Variants in DNAH9 observed in about 807,000 individuals in gnomAD.
DNAH9 encodes dynein axonemal heavy chain 9.
Under a neutral mutation model 471.6 loss-of-function variants are expected in DNAH9, and 345 were observed. That is an observed-to-expected ratio of 0.73 (90% CI 0.67 to 0.80). The LOEUF is 0.80. Among genes scored for constraint, DNAH9 ranks in the 30% least tolerant of loss-of-function variants. The pLI is 0.00. For synonymous variants in DNAH9, 2,093 were observed against 2,123.6 expected (o/e 0.99, Z 0.40); for missense variants, 5,407 against 5,609.2 (o/e 0.96, Z 1.15).
At chr17:11,678,093 T>C (rs1198832031) in intron 17 of DNAH9, among the ~76,000 whole-genome samples, 3 of 152,196 alleles carry the variant, frequency 2.0e-5, no homozygotes. Flanking sequence ...TCTCGCTCTG[T>C]CGCCCAGGCT....
intron 50 of DNAH9, among the ~76,000 whole-genome samples, chr17:11,856,680 T>A (rs1971637633): frequency 6.6e-6 from 1 of 151,688 alleles, no homozygotes; most frequent in Non-Finnish European, 1.5e-5. Context: ...CACTCCAGCC[T>A]GGGCAACACA....
intron 59 of DNAH9, among the ~76,000 whole-genome samples, chr17:11,894,801 A>C (rs1052440030): frequency 6.6e-6 from 1 of 152,164 alleles, no homozygotes; most frequent in Non-Finnish European, 1.5e-5. Context: ...AGGCTGGGAC[A>C]TGGCCTCCTC....
Position 11,902,865 on chromosome 17 carries a change from C to T in DNAH9, c.11553C>T (p.Leu3851=). The change falls in exon 60 of 69, where the codon CTC becomes CTT. Residue 3851 remains leucine (L), a synonymous_variant. Transcript: ENST00000262442. ...AGAACAAGACAGCCCTGCAGCGCCT[C>T]TGCATGCTGAGAGCCATGCGGCCCG... The part of the protein sequence containing the change: ...EWKNKTALQR[L]CMLRAMRPDR... 6.2e-7 allele frequency: 1 copy of T among 1,613,956 alleles called. No individual in the cohort carries two copies. The highest frequency in any genetic ancestry group is 8.5e-7 in the Non-Finnish European group (1 of 1,179,866).
rs150984849 is a variant in DNAH9 at position 11,681,861 on chromosome 17, A to G, written c.3743+972A>G. 4.6e-5 allele frequency among the ~76,000 whole-genome samples: 7 copies of G among 152,352 alleles called. No individual in the cohort carries two copies. The East Asian group carries it at 9.6e-4, about 21-fold the overall frequency. ...GCTAGATTCAGGTGGCCTGGGGTCT[A>G]ATTTCAGGTCTTCTACTTACTTCTT... On this transcript the variant is annotated intron_variant, in intron 19 of 68. Transcript: ENST00000262442.
In DNAH9 at chr17:11,969,474, G is replaced by A. The variant is rs866228000; in HGVS notation, c.13408G>A (p.Glu4470Lys). Residue 4470 changes from glutamate to lysine, a missense_variant, in exon 69 of 69, where the codon GAA becomes AAA. Around this residue, in one of 3 missense-constraint regions of DNAH9, gnomAD observed 4,636 missense variants for 4,900.3 expected, o/e 0.95. Transcript: ENST00000262442. ...GTGGACTTTCAACCTGAAGACTAAGGAAAACCCATCCAAGTGGGTTCTGGC... is the reference window on the plus strand; with the variant it reads ...GTGGACTTTCAACCTGAAGACTAAGAAAAACCCATCCAAGTGGGTTCTGGC... Reference protein sequence around the residue: ...YVWTFNLKTKENPSKWVLAGV... With the variant: ...YVWTFNLKTKKNPSKWVLAGV... The A allele has an allele frequency of 6.2e-7, 1 of 1,613,808 alleles. No individual in the cohort carries two copies. The highest frequency in any genetic ancestry group is 1.3e-5 in the African/African-American group (1 of 74,940).
chr17:11,712,654 C>A (rs1048288941), intron 26 of DNAH9, among the ~76,000 whole-genome samples: 2 of 151,938 alleles, frequency 1.3e-5, no homozygotes, highest in Admixed American at 1.3e-4. Context: ...GACTTTAATT[C>A]GCATTTTTCT....
chr17:11,834,806 G>A lies in DNAH9; in HGVS notation c.9415G>A (p.Val3139Met). The change falls in exon 49 of 69, where the codon GTG (valine) becomes ATG (methionine). Residue 3139 changes from valine to methionine, a missense_variant. Physicochemically the swap from Val to Met is conservative, Grantham distance 21. Transcript: ENST00000262442. Reference protein sequence around the residue: ...EQKVAVIMLEVKQKQKDCEED... With the variant: ...EQKVAVIMLEMKQKQKDCEED... Reference sequence around the variant, plus strand: ...GAAGGTGGCCGTCATCATGCTAGAGGTGAAACAGAAGCAGAAGGACTGTGA... The same window carrying A: ...GAAGGTGGCCGTCATCATGCTAGAGATGAAACAGAAGCAGAAGGACTGTGA... 6.2e-7 allele frequency: 1 copy of A among 1,614,126 alleles called. No homozygotes were observed. The highest frequency in any genetic ancestry group is 8.5e-7 in the Non-Finnish European group (1 of 1,180,032).
At chr17:11,927,930 G>A (rs1175030711) in intron 62 of DNAH9, among the ~76,000 whole-genome samples, 2 of 152,136 alleles carry the variant, frequency 1.3e-5, no homozygotes, top group Non-Finnish European at 2.9e-5. Context: ...CCCACATGTA[G>A]GTTGCTGGTG....
chr17:11,900,941 T>C (rs1425174819), intron 59 of DNAH9, among the ~76,000 whole-genome samples: 5 of 152,146 alleles, frequency 3.3e-5, no homozygotes, highest in Non-Finnish European at 5.9e-5. Flanking sequence ...ACAGACCTCC[T>C]ACACACACAC....
Position 11,846,010 on chromosome 17 carries a change from C to G in DNAH9, c.9508-7993C>G, listed in dbSNP as rs1481548645. Among the ~76,000 whole-genome samples the G allele has an allele frequency of 2.9e-4, 44 of 152,084 alleles. 2 individuals are homozygous for G. In the East Asian group the frequency reaches 6.6e-3, roughly 23 times the overall value. On this transcript the variant is annotated intron_variant, in intron 49 of 68. Transcript: ENST00000262442. ...GTGCAGAAGCTCTTTAGTTTAATTA[C>G]ATCCCATTTGTCAGTTTTGGCTTTT... is the stretch of plus-strand genomic sequence containing the variant.
chr17:11,679,723 G>A (rs765262712), intron 17 of DNAH9, 34 bp from the exon 18 acceptor site: 1 of 1,455,714 alleles, frequency 6.9e-7, no homozygotes, highest in African/African-American at 1.4e-5. Flanking sequence ...AGTAGAACGA[G>A]AATGGTTCCT....
intron 61 of DNAH9, among the ~76,000 whole-genome samples, chr17:11,906,783 C>G (rs934819764): frequency 6.6e-6 from 1 of 151,970 alleles, no homozygotes; most frequent in African/African-American, 2.4e-5. Context: ...AACCAAACAC[C>G]GAACGTTCTC....
At chr17:11,895,080 C>T (rs943599991) in intron 59 of DNAH9, among the ~76,000 whole-genome samples, 10 of 152,214 alleles carry the variant, frequency 6.6e-5, no homozygotes, top group African/African-American at 2.2e-4. Context: ...TTACCAGAAG[C>T]CCAGAACACA....
intron 60 of DNAH9, among the ~76,000 whole-genome samples, chr17:11,905,437 G>T (rs989084958): frequency 6.6e-6 from 1 of 152,102 alleles, no homozygotes; most frequent in Non-Finnish European, 1.5e-5. Flanking sequence ...CCTGGATGGG[G>T]CTTCAGAGGA....
chr17:11,688,500 A>C lies in DNAH9; in HGVS notation c.3744-1066A>C, dbSNP rs376774304. Among the ~76,000 whole-genome samples, 10 of 152,366 alleles carry C rather than the reference A, an allele frequency of 6.6e-5. No homozygotes were observed. The East Asian group carries it at 1.5e-3, about 24-fold the overall frequency. ...ATCAAGGGCTTTGCAGCCAGTCTTC[A>C]TGGCCACTCACAGTGGTTCACCAGC... On this transcript the variant is annotated intron_variant, in intron 19 of 68. Coordinates refer to ENST00000262442, the MANE Select transcript of DNAH9 (RefSeq NM_001372.4).
chr17:11,812,210 A>G (rs1259887774), intron 45 of DNAH9, among the ~76,000 whole-genome samples: 5 of 150,980 alleles, frequency 3.3e-5, no homozygotes, highest in African/African-American at 4.8e-5. Flanking sequence ...CTTCATCTCA[A>G]TTGAGAAAAC....
intron 29 of DNAH9, among the ~76,000 whole-genome samples, chr17:11,741,734 A>G (rs1402571855): frequency 6.6e-6 from 1 of 152,228 alleles, no homozygotes; most frequent in Non-Finnish European, 1.5e-5. Flanking sequence ...CATTTTGAGG[A>G]TGAAGAATAG....
intron 61 of DNAH9, among the ~76,000 whole-genome samples, chr17:11,907,805 C>G (rs576062844): frequency 1.3e-5 from 2 of 152,266 alleles, no homozygotes; most frequent in African/African-American, 4.8e-5. Flanking sequence ...GCCCCCAGCA[C>G]CAGCCCTCCA....
At chr17:11,809,963 A>G (rs1344583725) in intron 44 of DNAH9, among the ~76,000 whole-genome samples, 1 of 152,070 alleles carries the variant, frequency 6.6e-6, no homozygotes, top group African/African-American at 2.4e-5. Flanking sequence ...CCTAATTTCT[A>G]AATCAGTGTA....
Sources: allele counts gnomAD v4.1 joint callset (sites outside exome capture counted in the v4.1 genomes callset), GRCh38; gene constraint gnomAD v4.1.1; regional missense constraint gnomAD v4.1.1; transcripts MANE v1.5; gene names NCBI Gene and HGNC (gene_info 2026-07-23, HGNC 2026-07-21).